GDA: variants seen among roughly 807,000 people sequenced by gnomAD.
The protein encoded by GDA is guanine deaminase, also known as cytoplasmic PSD-95 interactor.
In GDA, 18 loss-of-function variants were observed where a neutral mutation model predicts 59.6. That is an observed-to-expected ratio of 0.30 (90% confidence interval 0.21 to 0.45). The LOEUF is 0.45. Ranked by LOEUF, GDA falls within the 20% of genes least tolerant of loss-of-function variation. The pLI is 1.00. For missense variants in GDA, 427 were observed against 552.3 expected (o/e 0.77, Z 2.27); for synonymous variants, 201 against 201.1 (o/e 1.00, Z 0.00).
intron 7 of GDA, among the ~76,000 whole-genome samples, 184 bp downstream of exon 7, chr9:72,223,411 C>A (rs943310013): frequency 2.6e-5 from 4 of 152,196 alleles, no homozygotes; most frequent in Admixed American, 6.5e-5. Flanking sequence ...TAATCCAATT[C>A]TTTCATTTTG....
intron 4 of GDA, among the ~76,000 whole-genome samples, chr9:72,211,388 C>A (rs541540310): frequency 6.6e-6 from 1 of 152,170 alleles, no homozygotes; most frequent in African/African-American, 2.4e-5. Flanking sequence ...GTTAGACTGA[C>A]GCTCAGAGAG....
At chr9:72,189,166 CTTTTTTTTTTTT>C (rs71493640) in intron 1 of GDA, among the ~76,000 whole-genome samples, 11 of 54,940 alleles carry the variant, frequency 2.0e-4, no homozygotes, top group Admixed American at 5.9e-4. Context: ...AGACTCTAGA[CTTTTTTTTTTTT>C]TTTTTTTTTT....
At chr9:72,162,088 C>T (rs1282667758) in intron 1 of GDA, among the ~76,000 whole-genome samples, 2 of 152,126 alleles carry the variant, frequency 1.3e-5, no homozygotes, top group Non-Finnish European at 2.9e-5. Flanking sequence ...AAATGCAAAA[C>T]ACAGAAGCCA....
chr9:72,194,526 G>A (rs1482298176), intron 1 of GDA, among the ~76,000 whole-genome samples: 2 of 152,130 alleles, frequency 1.3e-5, no homozygotes, highest in South Asian at 2.1e-4. Context: ...TCCTCTCCTC[G>A]AGTGGAAGGA....
In GDA at chr9:72,247,410, T is replaced by C. The variant is rs201847996; in HGVS notation, c.1271T>C (p.Val424Ala). 65 of 1,485,666 alleles carry C rather than the reference T, an allele frequency of 4.4e-5. 1 individual carries two copies. Among genetic ancestry groups the C allele is most frequent in the Non-Finnish European group, 5.2e-5 (55 of 1,063,152 alleles). The allele number at this position is 1,485,666 out of a possible 1,614,324, so 92.0% of individuals were successfully genotyped here. A position where few individuals can be genotyped will look rare whatever the true frequency, so the allele number is the denominator to read the frequency against. The change falls in exon 13 of 14, where the codon GTT (valine) becomes GCT (alanine). Residue 424 changes from valine (V) to alanine (A), a missense_variant. By Grantham distance (64) the Val-to-Ala change is moderately conservative (BLOSUM62 0). Coordinates refer to ENST00000358399, the MANE Select transcript of GDA (RefSeq NM_004293.5). ...GDFFGDISEA[V>A]IQKFLYLGDD... Reference sequence around the variant, plus strand: ...TACTTTTATTTTCCATTTTAGGCTGTTATCCAGAAGTTCCTCTATCTAGGT... The same window carrying C: ...TACTTTTATTTTCCATTTTAGGCTGCTATCCAGAAGTTCCTCTATCTAGGT...
chr9:72,203,598 G>A lies in GDA; in HGVS notation c.384+856G>A, dbSNP rs1189553432. Among the ~76,000 whole-genome samples the A allele has an allele frequency of 5.9e-5, 9 of 152,280 alleles. No individual in the cohort carries two copies. In the East Asian group the frequency reaches 7.7e-4, roughly 13 times the overall value. The stretch of plus-strand genomic sequence containing the variant: ...GTTTCTGCAGTAAAGGAGCTAAAGC[G>A]CAAATGCTGCCTTGTCTGATCATTA... On this transcript the variant is annotated intron_variant, in intron 3 of 13. Transcript: ENST00000358399.
intron 1 of GDA, among the ~76,000 whole-genome samples, chr9:72,169,019 G>GT (rs1448348932): frequency 6.6e-6 from 1 of 152,328 alleles, no homozygotes; most frequent in East Asian, 1.9e-4. Context: ...CTTGTTGTTT[G>GT]TTTTTGCTTT....
chr9:72,255,629 C>A (rs531783810), downstream of GDA, among the ~76,000 whole-genome samples: 1 of 152,172 alleles, frequency 6.6e-6, no homozygotes, highest in Non-Finnish European at 1.5e-5. Context: ...GATGAATTGG[C>A]AACTTACGTA....
chr9:72,216,236 T>C (rs1036575844), intron 5 of GDA, among the ~76,000 whole-genome samples: 5 of 152,186 alleles, frequency 3.3e-5, no homozygotes, highest in African/African-American at 7.2e-5. Flanking sequence ...GCTAAAACAT[T>C]GCAGAACATC....
intron 1 of GDA, among the ~76,000 whole-genome samples, chr9:72,130,358 A>C (rs1825984207): frequency 6.6e-6 from 1 of 152,234 alleles, no homozygotes; most frequent in South Asian, 2.1e-4. Flanking sequence ...AAGCCCACCT[A>C]ATACTCATAA....
chr9:72,246,594 G>A (rs188753250), intron 12 of GDA, among the ~76,000 whole-genome samples: 1 of 152,160 alleles, frequency 6.6e-6, no homozygotes, highest in Admixed American at 6.5e-5. Context: ...GTGTGGTCCA[G>A]TGGTAATAAG....
chr9:72,130,300 T>G (rs4237252), intron 1 of GDA, among the ~76,000 whole-genome samples: 94,710 of 152,096 alleles, frequency 0.62, 32,129 homozygotes, highest in Non-Finnish European at 0.75. Context: ...AGTGGCTTAT[T>G]TATGTAGTTA....
At chr9:72,148,064 G>A (rs1826746614), upstream of GDA, among the ~76,000 whole-genome samples, 1 of 152,146 alleles carries the variant, frequency 6.6e-6, no homozygotes, top group Non-Finnish European at 1.5e-5. Context: ...AGAAGGGAAC[G>A]AATCATTTCT....
rs920969115 is a variant in GDA at position 72,248,584 on chromosome 9, C to A, written c.*242C>A. ...CTCCCTTTGGAGCTGCTCAGACTTA[C>A]TTTAAGCTCAAACAGAAGGGAATGC... On this transcript the variant is annotated 3_prime_UTR_variant, in exon 14 of 14. Coordinates refer to ENST00000358399, the MANE Select transcript of GDA (RefSeq NM_004293.5). The A allele has an allele frequency of 6.6e-5, 84 of 1,278,772 alleles. No homozygotes were observed. Among genetic ancestry groups the A allele is most frequent in the Non-Finnish European group, 8.2e-5 (83 of 1,011,340 alleles). The allele number at this position is 1,278,772 out of a possible 1,614,324, so 79.2% of individuals were successfully genotyped here. A position where few individuals can be genotyped will look rare whatever the true frequency, so the allele number is the denominator to read the frequency against.
chr9:72,193,243 A>G (rs974115217), intron 1 of GDA, among the ~76,000 whole-genome samples: 2 of 152,094 alleles, frequency 1.3e-5, no homozygotes, highest in Admixed American at 6.5e-5. Context: ...ACTTGTCACT[A>G]TCTGGGCTTG....
chr9:72,226,751 A>G (rs1195608901), intron 8 of GDA, among the ~76,000 whole-genome samples: 5 of 152,248 alleles, frequency 3.3e-5, no homozygotes, highest in African/African-American at 1.2e-4. Flanking sequence ...CATATGATTA[A>G]TAAATTAACC....
rs1012845535 is a variant in GDA at position 72,219,131 on chromosome 9, G to A, written c.579-348G>A. Among the ~76,000 whole-genome samples the A allele has an allele frequency of 5.9e-5, 9 of 151,908 alleles. No homozygotes were observed. The South Asian group carries it at 1.3e-3, about 21-fold the overall frequency. On this transcript the variant is annotated intron_variant, in intron 5 of 13. Transcript: ENST00000358399. Reference sequence around the variant, plus strand: ...TTTATTTGAAAATGGTCGGCCGGTCGCGGTGGTTCACGCCTGTAATCCCAG... The same window carrying A: ...TTTATTTGAAAATGGTCGGCCGGTCACGGTGGTTCACGCCTGTAATCCCAG...
chr9:72,130,710 T>C (rs1449680539), intron 1 of GDA, among the ~76,000 whole-genome samples: 1 of 152,204 alleles, frequency 6.6e-6, no homozygotes, highest in African/African-American at 2.4e-5. Flanking sequence ...ACCAATCCAG[T>C]CTAAGGCTTG....
chr9:72,180,321 C>T (rs1347828387), intron 1 of GDA, among the ~76,000 whole-genome samples: 1 of 152,114 alleles, frequency 6.6e-6, no homozygotes, highest in African/African-American at 2.4e-5. Flanking sequence ...TACGCCACTG[C>T]ACTCCAGCCT....
Sources: allele counts gnomAD v4.1 joint callset (sites outside exome capture counted in the v4.1 genomes callset), GRCh38; gene constraint gnomAD v4.1.1; transcripts MANE v1.5; gene names NCBI Gene and HGNC (gene_info 2026-07-23, HGNC 2026-07-21).